The following TOX variants were observed in gnomAD, a reference collection of about 807,000 sequenced individuals.
TOX encodes thymocyte selection associated high mobility group box, also known as thymocyte selection-associated high mobility group box protein TOX.
A neutral mutation model predicts 53.7 loss-of-function variants in TOX; 11 were observed. That is an observed-to-expected ratio of 0.20 (90% CI 0.13 to 0.34). The LOEUF (loss-of-function observed/expected upper bound fraction) is 0.34. TOX is among the 10% of genes least tolerant of loss of function. The pLI, the probability that TOX is intolerant of heterozygous loss-of-function variation, is 1.00. For missense variants in TOX, 570 were observed against 664.6 expected, an observed-to-expected ratio of 0.86 and a Z score of 1.56; for synonymous variants, 225 against 245.3, an observed-to-expected ratio of 0.92 and a Z score of 0.77.
intron 1 of TOX, among the ~76,000 whole-genome samples, chr8:58,996,395 C>A (rs1813561558): frequency 1.3e-5 from 2 of 152,208 alleles, no homozygotes; most frequent in South Asian, 4.1e-4. Flanking sequence ...ATCTCAGAAT[C>A]ATCAAGGTTC....
At chr8:58,935,755 C>T (rs1812332630) in intron 3 of TOX, among the ~76,000 whole-genome samples, 1 of 152,120 alleles carries the variant, frequency 6.6e-6, no homozygotes, top group South Asian at 2.1e-4. Context: ...ATCATATTAG[C>T]CATGAGCAAA....
intron 1 of TOX, among the ~76,000 whole-genome samples, chr8:58,998,493 G>GTGTA (rs1491538699): frequency 1.4e-4 from 9 of 63,614 alleles, no homozygotes; most frequent in African/African-American, 4.4e-4. Context: ...CATCTCAAAA[G>GTGTA]TATATATATA....
chr8:58,838,373 CGTT>C (rs1585853029), intron 4 of TOX, 62 bp from the exon 5 acceptor site: 25 of 1,398,694 alleles, frequency 1.8e-5, no homozygotes, highest in East Asian at 9.1e-5. Context: ...CAAGACATAT[CGTT>C]GTTTTCCTTT....
intron 3 of TOX, among the ~76,000 whole-genome samples, chr8:58,932,363 T>C (rs902381729): frequency 2.0e-5 from 3 of 152,202 alleles, no homozygotes; most frequent in African/African-American, 7.2e-5. Flanking sequence ...ATCATTTTTC[T>C]TCTGTTAAAG....
At chr8:58,819,916 C>G (rs892863340) in intron 6 of TOX, among the ~76,000 whole-genome samples, 1 of 152,174 alleles carries the variant, frequency 6.6e-6, no homozygotes, top group African/African-American at 2.4e-5. Flanking sequence ...ATTTATGCAC[C>G]TACTCAATTG....
At chr8:59,030,833 G>A (rs1465634876) in intron 1 of TOX, among the ~76,000 whole-genome samples, 7 of 152,110 alleles carry the variant, frequency 4.6e-5, no homozygotes, top group Non-Finnish European at 1.0e-4. Flanking sequence ...TGTTTTCAAT[G>A]GGAATCAGAA....
chr8:59,018,403 A>C (rs763422290), intron 1 of TOX, among the ~76,000 whole-genome samples: 33 of 152,100 alleles, frequency 2.2e-4, no homozygotes, highest in Non-Finnish European at 3.5e-4. Flanking sequence ...AACACAGAGG[A>C]GCTCTCAAGT....
intron 3 of TOX, among the ~76,000 whole-genome samples, chr8:58,865,092 G>A (rs1029657250): frequency 6.6e-6 from 1 of 152,126 alleles, no homozygotes; most frequent in Admixed American, 6.5e-5. Context: ...TCTAACTGAG[G>A]AAGGTGGTGG....
At chr8:58,901,203 A>G (rs1478081578) in intron 3 of TOX, among the ~76,000 whole-genome samples, 1 of 152,196 alleles carries the variant, frequency 6.6e-6, no homozygotes, top group Admixed American at 6.5e-5. Context: ...TAGCAAAATG[A>G]TTCAAGTCCA....
chr8:58,949,676 C>T (rs1162210943), intron 2 of TOX, among the ~76,000 whole-genome samples: 3 of 152,032 alleles, frequency 2.0e-5, no homozygotes, highest in Non-Finnish European at 4.4e-5. Flanking sequence ...TATTTTAAAT[C>T]ATGTGCAGCC....
At chr8:59,010,048 A>T (rs1813872237) in intron 1 of TOX, among the ~76,000 whole-genome samples, 1 of 152,218 alleles carries the variant, frequency 6.6e-6, no homozygotes, top group Non-Finnish European at 1.5e-5. Context: ...TTTCTATCAA[A>T]ATTATCACTC....
chr8:59,028,341 C>T (rs774118604), intron 1 of TOX, among the ~76,000 whole-genome samples: 26 of 151,732 alleles, frequency 1.7e-4, no homozygotes, highest in African/African-American at 9.7e-5. Context: ...AAAAATGAAA[C>T]GTTCCTCATT....
At chr8:58,811,722 G>T (rs943867071) in intron 7 of TOX, among the ~76,000 whole-genome samples, 2 of 152,102 alleles carry the variant, frequency 1.3e-5, no homozygotes. Flanking sequence ...TTTTCTTAAG[G>T]TTATAAAGGA....
chr8:58,881,498 G>A (rs1342834869), intron 3 of TOX, among the ~76,000 whole-genome samples: 1 of 152,038 alleles, frequency 6.6e-6, no homozygotes, highest in African/African-American at 2.4e-5. Flanking sequence ...GCTGAGGTGG[G>A]TGGATCATCT....
intron 3 of TOX, among the ~76,000 whole-genome samples, chr8:58,889,256 C>T (rs1479084197): frequency 1.4e-5 from 2 of 140,672 alleles, no homozygotes; most frequent in South Asian, 2.3e-4. Context: ...AAACAAAATA[C>T]CCTTAAACAG....
intron 2 of TOX, among the ~76,000 whole-genome samples, chr8:58,953,245 T>G (rs1193213832): frequency 1.3e-5 from 2 of 152,174 alleles, no homozygotes; most frequent in Non-Finnish European, 2.9e-5. Flanking sequence ...TCCCAAGCCC[T>G]AAGATATATA....
At chr8:58,963,305 A>ATAT (rs201279608) in intron 1 of TOX, among the ~76,000 whole-genome samples, 1 of 100,114 alleles carries the variant, frequency 1.0e-5, no homozygotes, top group South Asian at 3.0e-4. Context: ...ATAGATAGAT[A>ATAT]GATATATATA....
chr8:58,812,375 T>C (rs1344880784), intron 7 of TOX, among the ~76,000 whole-genome samples: 1 of 152,142 alleles, frequency 6.6e-6, no homozygotes, highest in Non-Finnish European at 1.5e-5. Context: ...TCCTTTCCAC[T>C]GGCCTCCTTC....
intron 1 of TOX, among the ~76,000 whole-genome samples, chr8:59,108,252 C>T (rs962927660): frequency 6.6e-6 from 1 of 152,192 alleles, no homozygotes; most frequent in Non-Finnish European, 1.5e-5. Context: ...GAAACGCTTG[C>T]CACTTCAAAA....
Sources: gnomAD v4.1 joint callset for allele counts (sites outside exome capture counted in the v4.1 genomes callset) on GRCh38, gnomAD v4.1.1 for gene constraint, MANE v1.5 for transcripts, NCBI Gene and HGNC (gene_info 2026-07-23, HGNC 2026-07-21) for gene names.